Variants in UBAP2L observed in about 807,000 individuals in gnomAD.
UBAP2L encodes ubiquitin-associated protein 2-like.
In UBAP2L, 12 loss-of-function variants were observed where a neutral mutation model predicts 130.6. The observed-to-expected ratio is 0.09, with a 90% CI of 0.06 to 0.15. The LOEUF (loss-of-function observed/expected upper bound fraction) is 0.15, where lower values mean the gene tolerates loss of function less well. Ranked by LOEUF, UBAP2L falls within the 10% of genes least tolerant of loss-of-function variation. The pLI, the probability that UBAP2L is intolerant of heterozygous loss-of-function variation, is 1.00. For synonymous variants in UBAP2L, 503 were observed against 524.7 expected (o/e 0.96, Z 0.57); for missense variants, 965 against 1,332.5 (o/e 0.72, Z 4.29).
At chr1:154,233,651 C>CTGTG (rs61695071) in intron 4 of UBAP2L, among the ~76,000 whole-genome samples, 16,470 of 146,070 alleles carry the variant, frequency 0.11, 1,396 homozygotes, top group East Asian at 0.43. Flanking sequence ...AATGAAATTG[C>CTGTG]TGTGTGTGTG....
Position 154,260,816 on chromosome 1 carries a change from T to C in UBAP2L, c.2579-76T>C, listed in dbSNP as rs936986568. 3.6e-6 allele frequency: 5 copies of C among 1,386,522 alleles called. No homozygotes were observed. In the African/African-American group the frequency reaches 7.1e-5, roughly 20 times the overall value. The allele number at this position is 1,386,522 out of a possible 1,614,324, so 85.9% of individuals were successfully genotyped here. ...CTTTGAACAGGATCTCCTGGAATCA[T>C]GTGAAATCAGAAGAGGTAATTCTGT... On this transcript the variant is annotated intron_variant, in intron 22 of 26. Coordinates refer to ENST00000428931, the MANE Select transcript of UBAP2L (RefSeq NM_014847.4).
rs750263810 is a variant in UBAP2L, at chr1:154,255,730, G to C, written c.2132G>C (p.Gly711Ala). The C allele has an allele frequency of 3.1e-6, 5 of 1,614,066 alleles. No individual in the cohort carries two copies. The highest frequency in any genetic ancestry group is 3.4e-6 in the Non-Finnish European group (4 of 1,180,028). Residue 711 changes from glycine to alanine, a missense_variant, in exon 18 of 27, where the codon GGG (glycine) becomes GCG (alanine). Gly to Ala is a moderately conservative substitution (Grantham distance 60). Around this residue, in one of 9 missense-constraint regions of UBAP2L, gnomAD observed 393 missense variants for 408.1 expected, o/e 0.96. Coordinates refer to ENST00000428931, the MANE Select transcript of UBAP2L (RefSeq NM_014847.4). ...QNTLSSSTSS[G>A]RTSTSTLLHT... ...ACCCTTTCATCATCAACATCTTCTG[G>C]GCGCACTTCGACATCCACTCTTTTG...
chr1:154,223,336 CAT>C (rs1301912768), intron 1 of UBAP2L, among the ~76,000 whole-genome samples: 2 of 152,124 alleles, frequency 1.3e-5, no homozygotes, highest in Non-Finnish European at 2.9e-5. Context: ...ATAGATATCA[CAT>C]GTGGAGTAGA....
Position 154,259,986 on chromosome 1 carries a change from G to T in UBAP2L, c.2535G>T (p.Pro845=). ...YSIPFPTPTT[P]LTGRDGSLAS... is the part of the protein sequence containing the mutation. ...TCCCATTTCCCACACCCACTACTCC[G>T]CTGACTGGGAGGGATGGTAGCCTGG... The change falls in exon 22 of 27, where the codon CCG becomes CCT. Residue 845 remains proline (P), a synonymous_variant. Transcript: ENST00000428931. 1 of 1,614,042 alleles carries T rather than the reference G, an allele frequency of 6.2e-7. No individual in the cohort carries two copies. Among genetic ancestry groups the T allele is most frequent in the Non-Finnish European group, 8.5e-7 (1 of 1,180,008 alleles).
intron 8 of UBAP2L, among the ~76,000 whole-genome samples, chr1:154,239,772 T>C (rs1484113557): frequency 6.6e-6 from 1 of 152,232 alleles, no homozygotes; most frequent in South Asian, 2.1e-4. Flanking sequence ...TAAGTGCTAA[T>C]GCAACTTGGA....
intron 25 of UBAP2L, among the ~76,000 whole-genome samples, chr1:154,267,926 G>A (rs1277035949): frequency 6.9e-5 from 3 of 43,464 alleles, no homozygotes; most frequent in African/African-American, 9.5e-5. Flanking sequence ...TTTCATTCTT[G>A]TTGCCCAGGC....
Position 154,268,878 on chromosome 1 carries a change from C to A in UBAP2L, c.3092C>A (p.Pro1031His), listed in dbSNP as rs775268687. The A allele has an allele frequency of 6.2e-7, 1 of 1,612,434 alleles. No homozygotes were observed. Among genetic ancestry groups the A allele is most frequent in the Admixed American group, 1.7e-5 (1 of 59,920 alleles). The change falls in exon 26 of 27, where the codon CCC becomes CAC. Residue 1031 changes from proline (P) to histidine (H), a missense_variant. Transcript: ENST00000428931. ...ACAGCTGCTGCCTACCCACCTGCCCCCTTTATGCACATTCTGACCCCCCAT... is the reference window on the plus strand; with the variant it reads ...ACAGCTGCTGCCTACCCACCTGCCCACTTTATGCACATTCTGACCCCCCAT... ...PATAAAYPPA[P>H]FMHILTPHQQ...
intron 18 of UBAP2L, among the ~76,000 whole-genome samples, chr1:154,256,514 G>A (rs752700906): frequency 1.3e-5 from 2 of 152,024 alleles, no homozygotes; most frequent in African/African-American, 2.4e-5. Context: ...TGGTACATTC[G>A]TAGAGTCCTA....
At chr1:154,269,112 C>A in intron 26 of UBAP2L, 158 bp downstream of exon 26, 1 of 1,003,850 alleles carries the variant, frequency 1.0e-6, no homozygotes, top group Non-Finnish European at 1.5e-6. Flanking sequence ...CACAAGCGCA[C>A]ATAACACGAG....
intron 2 of UBAP2L, 103 bp from the exon 3 acceptor site, chr1:154,227,179 C>G: frequency 1.0e-6 from 1 of 964,442 alleles, no homozygotes; most frequent in East Asian, 2.5e-5. Context: ...TCATTTGTTA[C>G]AAGGAAAAGA....
Position 154,270,280 on chromosome 1 carries a change from C to G in UBAP2L, c.3249C>G (p.Ser1083Arg), listed in dbSNP as rs1354892807. Residue 1083 changes from serine (S) to arginine (R), a missense_variant, in exon 27 of 27, where the codon AGC (serine) becomes AGG (arginine). Coordinates refer to ENST00000428931, the MANE Select transcript of UBAP2L (RefSeq NM_014847.4). ...QTNKSAYNSYSWGAN is the reference protein window; with the variant it reads ...QTNKSAYNSYRWGAN ...ACAAGTCTGCCTACAACAGCTACAG[C>G]TGGGGGGCCAACTGAGGCCCTGACC... 1 of 1,614,046 alleles carries G rather than the reference C, an allele frequency of 6.2e-7. No individual in the cohort carries two copies. Among genetic ancestry groups the G allele is most frequent in the Admixed American group, 1.7e-5 (1 of 60,004 alleles).
At chr1:154,230,602 T>C (rs1453465890) in intron 4 of UBAP2L, among the ~76,000 whole-genome samples, 1 of 152,236 alleles carries the variant, frequency 6.6e-6, no homozygotes, top group Non-Finnish European at 1.5e-5. Flanking sequence ...TTATGTTTTT[T>C]TAAAAGTCTG....
chr1:154,260,997 A>C lies in UBAP2L; in HGVS notation c.2684A>C (p.Gln895Pro). 6.2e-7 allele frequency: 1 copy of C among 1,614,188 alleles called. No homozygotes were observed. The highest frequency in any genetic ancestry group is 1.1e-5 in the South Asian group (1 of 91,084). Reference sequence around the variant, plus strand: ...ACGCAGACTCACCATACCACGCAGCAGACATTCCTGAACCCGGCGCTGCCT... The same window carrying C: ...ACGCAGACTCACCATACCACGCAGCCGACATTCCTGAACCCGGCGCTGCCT... The part of the protein sequence containing the change: ...NQTQTHHTTQ[Q>P]TFLNPALPPG... Residue 895 changes from glutamine (Q) to proline (P), a missense_variant, in exon 23 of 27, where the codon CAG (glutamine) becomes CCG (proline). By Grantham distance (76) the Gln-to-Pro change is moderately conservative (BLOSUM62 -1). Around this residue, in one of 9 missense-constraint regions of UBAP2L, gnomAD observed 194 missense variants for 334.0 expected, o/e 0.58. Coordinates refer to ENST00000428931, the MANE Select transcript of UBAP2L (RefSeq NM_014847.4).
upstream of UBAP2L, chr1:154,220,617 C>T (rs901911613): frequency 1.2e-5 from 7 of 599,034 alleles, no homozygotes; most frequent in African/African-American, 1.1e-4. Context: ...TTCCCCCTGA[C>T]ACGTGACTCA....
chr1:154,238,611 G>A (rs775620122), intron 8 of UBAP2L, among the ~76,000 whole-genome samples: 3 of 152,232 alleles, frequency 2.0e-5, no homozygotes, highest in African/African-American at 7.2e-5. Flanking sequence ...GAGTAGAAAA[G>A]GGAGCAGATG....
intron 1 of UBAP2L, among the ~76,000 whole-genome samples, chr1:154,223,866 G>A (rs1385045343): frequency 6.6e-6 from 1 of 152,092 alleles, no homozygotes; most frequent in African/African-American, 2.4e-5. Context: ...CTCAAATCCA[G>A]TAATATCTCT....
intron 8 of UBAP2L, among the ~76,000 whole-genome samples, chr1:154,240,284 C>T (rs1052530788): frequency 6.6e-6 from 1 of 152,072 alleles, no homozygotes; most frequent in African/African-American, 2.4e-5. Flanking sequence ...TAGAAATTCT[C>T]ACCCTTATTT....
downstream of UBAP2L, chr1:154,271,469 CAAA>C (rs1684685836): frequency 6.6e-6 from 1 of 152,090 alleles, no homozygotes; most frequent in South Asian, 2.1e-4. Flanking sequence ...AATAAAAAAA[CAAA>C]ACCTTGGGGC....
intron 9 of UBAP2L, chr1:154,242,923 CT>C (rs1273912846): frequency 5.4e-6 from 1 of 184,742 alleles, no homozygotes; most frequent in Non-Finnish European, 1.1e-5. Flanking sequence ...GAGGGATTTT[CT>C]TTCTTTTATT....
Sources: allele counts gnomAD v4.1 joint callset (sites outside exome capture counted in the v4.1 genomes callset), GRCh38; gene constraint gnomAD v4.1.1; regional missense constraint gnomAD v4.1.1; transcripts MANE v1.5; gene names NCBI Gene and HGNC (gene_info 2026-07-23, HGNC 2026-07-21).